TRPM5: variants seen among roughly 807,000 people sequenced by gnomAD.
TRPM5 encodes MLSN1 and TRP-related.
A neutral mutation model predicts 124.9 loss-of-function variants in TRPM5; 121 were observed. The observed-to-expected ratio is 0.97, with a 90% confidence interval of 0.84 to 1.13. TRPM5 has a LOEUF of 1.13. Ranked by LOEUF, TRPM5 falls within the 50% of genes most tolerant of loss-of-function variation. TRPM5 has a pLI of 0.00. For synonymous variants in TRPM5, 781 were observed against 700.5 expected (o/e 1.11, Z -1.81); for missense variants, 1,643 against 1,589.1 (o/e 1.03, Z -0.58).
chr11:2,414,012 C>CA, intron 12 of TRPM5, 49 bp downstream of exon 17: 2 of 498,164 alleles, frequency 4.0e-6, no homozygotes, highest in East Asian at 5.8e-5. Context: ...CCAGCTCGCC[C>CA]GCCCACCCCA....
At chr11:2,411,831 A>G in intron 16 of TRPM5, 64 bp from the exon 22 acceptor site, 1 of 1,591,492 alleles carries the variant, frequency 6.3e-7, no homozygotes, top group Non-Finnish European at 8.6e-7. Context: ...CCCCAGGGGC[A>G]CACAGCATGC....
chr11:2,427,455 T>A (rs974607013), upstream of TRPM5, among the ~76,000 whole-genome samples: 17 of 152,040 alleles, frequency 1.1e-4, no homozygotes, highest in African/African-American at 4.1e-4. Context: ...CGCCCACAAC[T>A]CCTGGCACCT....
chr11:2,439,102 T>G, the TRPM5 span, among the ~76,000 whole-genome samples: 2 of 152,204 alleles, frequency 1.3e-5, no homozygotes, highest in Non-Finnish European at 2.9e-5. Flanking sequence ...CAATAAATGG[T>G]GCTGAGACAG....
the TRPM5 span, among the ~76,000 whole-genome samples, chr11:2,436,914 A>G: frequency 7.2e-5 from 11 of 152,164 alleles, no homozygotes; most frequent in Admixed American, 7.2e-4. Context: ...CCGCTCGCCC[A>G]CCTGGGCACT....
At position 2,420,568 on chromosome 11, in the gene TRPM5, G is replaced by A. The variant is rs150258185; in HGVS notation, c.466-163C>T. On this transcript the variant is annotated intron_variant, in intron 3 of 23. Transcript: ENST00000155858. ...CCACCCTTCAGACAAAAGGAGGGACGAACAGCTGGGGCCCGGGGACCCTCC... is the reference window on the plus strand; with the variant it reads ...CCACCCTTCAGACAAAAGGAGGGACAAACAGCTGGGGCCCGGGGACCCTCC... Among the ~76,000 whole-genome samples, 4 of 152,338 alleles carry A rather than the reference G, an allele frequency of 2.6e-5. No homozygotes were observed. In the East Asian group the frequency reaches 5.8e-4, roughly 22 times the overall value.
chr11:2,418,442 T>TC (rs147746598), intron 5 of TRPM5, 84 bp from the exon 11 acceptor site: 639,609 of 1,540,530 alleles, frequency 0.42, 137,404 homozygotes, highest in East Asian at 0.7. Context: ...CCCCATCCCT[T>TC]CAGCCCTGTC....
Position 2,414,137 on chromosome 11 carries a change from CA to C in TRPM5, c.1813del (p.Cys605AlafsTer29), listed in dbSNP as rs761180117. The C allele has an allele frequency of 2.5e-6, 4 of 1,606,874 alleles. No individual in the cohort carries two copies. In the South Asian group the frequency reaches 4.5e-5, roughly 18 times the overall value. On this transcript the variant is annotated frameshift_variant, in exon 12 of 24. Transcript: ENST00000155858. LOFTEE classifies it high-confidence loss of function. ...GTGCAGGCAGGTGGTCTTGCTCCAGCAGCGGTTCCGGCGCACCAGCAGGGCG... is the reference window on the plus strand; with the variant it reads ...GTGCAGGCAGGTGGTCTTGCTCCAGCGCGGTTCCGGCGCACCAGCAGGGCG...
chr11:2,420,019 A>T (rs1845745560), intron 4 of TRPM5, among the ~76,000 whole-genome samples: 1 of 150,740 alleles, frequency 6.6e-6, no homozygotes, highest in East Asian at 2.0e-4. Context: ...CTCCTTCACC[A>T]CTCTGCCCAG....
At position 2,405,055 on chromosome 11, in the gene TRPM5, G is replaced by A; in HGVS notation, c.3392-12C>T. On this transcript the variant is annotated splice_polypyrimidine_tract_variant and intron_variant, in intron 23 of 23. Transcript: ENST00000155858. ...ACAGTGCTGAGAGCCTGCTGGGAAG[G>A]AAGGCCCCCCTGAGCGGTGGGAACC... 1 of 1,609,968 alleles carries A rather than the reference G, an allele frequency of 6.2e-7. No homozygotes were observed. Among genetic ancestry groups the A allele is most frequent in the Non-Finnish European group, 8.5e-7 (1 of 1,178,120 alleles).
At chr11:2,410,835 G>A (rs1850430941) in intron 18 of TRPM5, 6 of 373,278 alleles carry the variant, frequency 1.6e-5, no homozygotes, top group South Asian at 1.0e-4. Context: ...AATGGCGAAG[G>A]GGCCTTGCCA....
chr11:2,415,103 C>A lies in TRPM5; in HGVS notation c.1479+18G>T. On this transcript the variant is annotated intron_variant, in intron 9 of 23. Coordinates refer to ENST00000155858, the Ensembl canonical transcript of TRPM5. Reference sequence around the variant, plus strand: ...CGGCCCCAGCCTCGCCCTCCATCCCCACGGAGCCCCCGCTCACCGCCCTCC... The same window carrying A: ...CGGCCCCAGCCTCGCCCTCCATCCCAACGGAGCCCCCGCTCACCGCCCTCC... The A allele has an allele frequency of 6.3e-7, 1 of 1,576,332 alleles. No individual in the cohort carries two copies. Among genetic ancestry groups the A allele is most frequent in the Non-Finnish European group, 8.6e-7 (1 of 1,165,832 alleles).
chr11:2,417,722 CT>C lies in TRPM5; in HGVS notation c.1009+4del. On this transcript the variant is annotated splice_donor_region_variant and intron_variant, in intron 7 of 23. Transcript: ENST00000155858. Reference sequence around the variant, plus strand: ...GCCTGCCTTGCCCACCCTGCCCGCCCTCACCTTTCACCAGCGCCTTCAGGAT... The same window carrying C: ...GCCTGCCTTGCCCACCCTGCCCGCCCCACCTTTCACCAGCGCCTTCAGGAT... 6.4e-7 allele frequency: 1 copy of C among 1,568,130 alleles called. No individual in the cohort carries two copies. The highest frequency in any genetic ancestry group is 8.7e-7 in the Non-Finnish European group (1 of 1,151,136).
chr11:2,414,701 CG>C lies in TRPM5; in HGVS notation c.1744+13del. 1 of 1,526,144 alleles carries C rather than the reference CG, an allele frequency of 6.6e-7. No individual in the cohort carries two copies. Among genetic ancestry groups the C allele is most frequent in the Non-Finnish European group, 8.8e-7 (1 of 1,136,604 alleles). The allele number at this position is 1,526,144 out of a possible 1,614,324, so 94.5% of individuals were successfully genotyped here. A position where few individuals can be genotyped will look rare whatever the true frequency, so the allele number is the denominator to read the frequency against. On this transcript the variant is annotated intron_variant, in intron 11 of 23. Transcript: ENST00000155858. The stretch of plus-strand genomic sequence containing the variant: ...CCCCGCGCGCGGGCCCGGCCCCAGC[CG>C]CCGGTCACTCACCAAGGGCCAGCCG...
chr11:2,414,315 C>T (rs55896160), intron 11 of TRPM5, 109 bp from the exon 17 acceptor site: 325,956 of 1,436,794 alleles, frequency 0.23, 37,991 homozygotes, highest in Middle Eastern at 0.34. Flanking sequence ...CCGCACCCTG[C>T]GTTCAACACG....
At chr11:2,411,848 C>A in intron 16 of TRPM5, 81 bp from the exon 22 acceptor site, 1 of 1,557,780 alleles carries the variant, frequency 6.4e-7, no homozygotes, top group Non-Finnish European at 8.7e-7. Context: ...ATGCTGGCTG[C>A]GGGCAGGGCC....
At chr11:2,420,885 C>T in intron 3 of TRPM5, 147 bp downstream of exon 8, 1 of 949,856 alleles carries the variant, frequency 1.1e-6, no homozygotes, top group Non-Finnish European at 1.5e-6. Context: ...GTACTGCCAC[C>T]TGCCGGCCGT....
chr11:2,422,661 G>A (rs1204596268), intron 1 of TRPM5, among the ~76,000 whole-genome samples: 1 of 151,628 alleles, frequency 6.6e-6, no homozygotes, highest in African/African-American at 2.4e-5. Flanking sequence ...GTGGGGCCCT[G>A]GATGCACTTG....
chr11:2,427,324 T>C (rs1199388640), upstream of TRPM5, among the ~76,000 whole-genome samples: 7 of 152,234 alleles, frequency 4.6e-5, no homozygotes, highest in Non-Finnish European at 8.8e-5. Context: ...TCCCTACCTG[T>C]CTGCCTTCTC....
At chr11:2,405,110 A>T in intron 23 of TRPM5, 67 bp from the exon 29 acceptor site, 1 of 1,403,202 alleles carries the variant, frequency 7.1e-7, no homozygotes, top group Non-Finnish European at 9.9e-7. Flanking sequence ...GGGGAGAGGT[A>T]GCTGGCTCAG....
Sources: allele counts gnomAD v4.1 joint callset (sites outside exome capture counted in the v4.1 genomes callset), GRCh38; gene constraint gnomAD v4.1.1; transcripts MANE v1.5; gene names NCBI Gene and HGNC (gene_info 2026-07-23, HGNC 2026-07-21).